PRRC2C: variants seen among roughly 807,000 people sequenced by gnomAD.
PRRC2C encodes protein PRRC2C.
PRRC2C carries 72 observed loss-of-function variants against 317.2 expected under a neutral mutation model. The ratio of observed to expected loss-of-function variants is 0.23; its 90% confidence interval spans 0.19 to 0.28. The LOEUF (loss-of-function observed/expected upper bound fraction) is 0.28. Among genes scored for constraint, PRRC2C ranks in the 10% least tolerant of loss-of-function variants. The pLI is 1.00. For missense variants in PRRC2C, 3,074 were observed against 3,459.7 expected (o/e 0.89, Z 2.80); for synonymous variants, 1,296 against 1,205.9 (o/e 1.07, Z -1.55).
At chr1:171,591,479 G>A (rs1031183436) in intron 34 of PRRC2C, 108 bp from the exon 35 acceptor site, 2 of 1,392,462 alleles carry the variant, frequency 1.4e-6, no homozygotes, top group African/African-American at 2.9e-5. Context: ...GGCCAAACCA[G>A]TGTGGGGAAA....
At chr1:171,549,425 A>G (rs1388250725) in intron 17 of PRRC2C, among the ~76,000 whole-genome samples, 1 of 152,246 alleles carries the variant, frequency 6.6e-6, no homozygotes, top group Non-Finnish European at 1.5e-5. Flanking sequence ...TGCTTTGTAG[A>G]TCTTTTAAAG....
At chr1:171,517,935 G>A in intron 6 of PRRC2C, 121 bp downstream of exon 6, 9 of 764,276 alleles carry the variant, frequency 1.2e-5, no homozygotes, top group Non-Finnish European at 1.9e-5. Flanking sequence ...CTAAAAATTA[G>A]CATTCTCTTT....
intron 5 of PRRC2C, among the ~76,000 whole-genome samples, chr1:171,516,725 T>C (rs1672440607): frequency 6.6e-6 from 1 of 152,152 alleles, no homozygotes; most frequent in South Asian, 2.1e-4. Flanking sequence ...GCCAAGGGAC[T>C]CTCTCTCAAA....
chr1:171,514,858 A>G (rs372084123), intron 4 of PRRC2C, among the ~76,000 whole-genome samples: 1 of 152,228 alleles, frequency 6.6e-6, no homozygotes, highest in East Asian at 1.9e-4. Flanking sequence ...GGTTAAGGAA[A>G]GGAGTCTTTA....
chr1:171,573,074 G>T (rs1031642033), intron 24 of PRRC2C, among the ~76,000 whole-genome samples: 11 of 152,188 alleles, frequency 7.2e-5, no homozygotes, highest in African/African-American at 2.6e-4. Context: ...GCATCATTTG[G>T]TTCAGTGCCA....
chr1:171,566,336 T>C lies in PRRC2C; in HGVS notation c.6221T>C (p.Leu2074Pro). 3 of 1,602,528 alleles carry C rather than the reference T, an allele frequency of 1.9e-6. No individual in the cohort carries two copies. The highest frequency in any genetic ancestry group is 2.6e-6 in the Non-Finnish European group (3 of 1,174,286). ...AATGAAAATGAAGTTGTTCCTGTGC[T>C]TTCGGAAAAATCTGCTGACAAAATA... ...NGNENEVVPV[L>P]SEKSADKIPE... Residue 2074 changes from leucine (L) to proline (P), a missense_variant, in exon 21 of 35, where the codon CTT becomes CCT. Leu to Pro is a moderately conservative substitution (Grantham distance 98, BLOSUM62 -3). Around this residue, in one of 11 missense-constraint regions of PRRC2C, gnomAD observed 640 missense variants for 676.1 expected, o/e 0.95. Transcript: ENST00000647382.
chr1:171,493,743 C>T lies in PRRC2C; in HGVS notation c.-58+8008C>T, dbSNP rs573192465. On this transcript the variant is annotated intron_variant, in intron 1 of 34. Coordinates refer to ENST00000647382, the MANE Select transcript of PRRC2C (RefSeq NM_001387844.1). ...GCTGAGGCTGGAGAATTGCTTGAGC[C>T]TGGGAGGCGGAGATCCTACCACTGC... Among the ~76,000 whole-genome samples the T allele has an allele frequency of 2.6e-5, 4 of 152,128 alleles. No homozygotes were observed. In the Middle Eastern group the frequency reaches 0.014, roughly 517 times the overall value.
intron 13 of PRRC2C, 29 bp from the exon 14 acceptor site, chr1:171,535,998 ACT>A: frequency 6.4e-7 from 1 of 1,551,156 alleles, no homozygotes; most frequent in Non-Finnish European, 8.7e-7. Context: ...GTGGAACTAA[ACT>A]CTCAAGATAT....
At position 171,528,506 on chromosome 1, in the gene PRRC2C, C is replaced by T. The variant is rs529529554; in HGVS notation, c.1254+662C>T. ...CGGGGTTTCACCGTGTTAGCCAGGA[C>T]GGTCTCGATATCCTGACCTCGTGAT... is the stretch of plus-strand genomic sequence containing the variant. On this transcript the variant is annotated intron_variant, in intron 11 of 34. Transcript: ENST00000647382. Among the ~76,000 whole-genome samples the T allele has an allele frequency of 2.5e-3, 384 of 151,982 alleles. 1 individual carries two copies. The highest frequency in any genetic ancestry group is 4.4e-3 in the Non-Finnish European group (298 of 67,930).
chr1:171,582,857 T>A (rs1428328031), intron 28 of PRRC2C, among the ~76,000 whole-genome samples: 4 of 147,948 alleles, frequency 2.7e-5, no homozygotes, highest in Non-Finnish European at 1.5e-5. Flanking sequence ...CTAAATTTGT[T>A]AAAAAAAAAA....
intron 2 of PRRC2C, 173 bp downstream of exon 2, chr1:171,512,373 T>C (rs1331425061): frequency 3.7e-6 from 2 of 539,916 alleles, no homozygotes; most frequent in East Asian, 4.1e-5. Flanking sequence ...CATCTTATAA[T>C]TGAAAATTTA....
intron 17 of PRRC2C, among the ~76,000 whole-genome samples, chr1:171,549,186 ATTAT>A (rs1468722402): frequency 6.6e-6 from 1 of 151,988 alleles, no homozygotes; most frequent in Admixed American, 6.6e-5. Context: ...TTTTTAAAAC[ATTAT>A]TTATTTATTT....
intron 10 of PRRC2C, among the ~76,000 whole-genome samples, chr1:171,526,414 T>G (rs989660274): frequency 2.8e-4 from 42 of 152,202 alleles, no homozygotes; most frequent in African/African-American, 9.9e-4. Context: ...CTTGGCTCAC[T>G]GCAACCTCCA....
intron 30 of PRRC2C, among the ~76,000 whole-genome samples, chr1:171,586,259 ATTTT>A (rs202207760): frequency 6.8e-6 from 1 of 146,230 alleles, no homozygotes; most frequent in Non-Finnish European, 1.5e-5. Context: ...TTATTTATTT[ATTTT>A]TTTTTTTAGT....
intron 19 of PRRC2C, among the ~76,000 whole-genome samples, chr1:171,560,283 A>G (rs1682408197): frequency 6.6e-6 from 1 of 152,222 alleles, no homozygotes; most frequent in Non-Finnish European, 1.5e-5. Flanking sequence ...AATAACTCTG[A>G]CGCAAAGAAA....
In PRRC2C at chr1:171,541,899, C is replaced by T. The variant is rs769996672; in HGVS notation, c.4433C>T (p.Ser1478Phe). 8 of 1,613,414 alleles carry T rather than the reference C, an allele frequency of 5.0e-6. No individual in the cohort carries two copies. The highest frequency in any genetic ancestry group is 1.3e-5 in the African/African-American group (1 of 74,834). Residue 1478 changes from serine (S) to phenylalanine (F), a missense_variant, in exon 16 of 35, where the codon TCC becomes TTC. This residue lies in a region of PRRC2C where 1,320 missense variants were observed against 1,395.7 expected (regional missense o/e 0.95). Transcript: ENST00000647382. This position sits in a 1 kb window ranked among gnomAD's most constrained non-coding sequence, Gnocchi z 4.1. ...QEPVNTLGDISGNKTPDLSNQ... is the reference protein window; with the variant it reads ...QEPVNTLGDIFGNKTPDLSNQ... ...CCAGTTAATACTCTTGGGGATATTT[C>T]CGGGAATAAGACACCAGATTTATCT...
At chr1:171,578,143 ACATACTTACTGTAGTAACAGT>A (rs1368914212) in intron 26 of PRRC2C, among the ~76,000 whole-genome samples, 1 of 152,010 alleles carries the variant, frequency 6.6e-6, no homozygotes, top group Non-Finnish European at 1.5e-5. Context: ...ATATAAGTGT[ACATACTTACTGTAGTAACAGT>A]TTCATAACTA....
intron 24 of PRRC2C, among the ~76,000 whole-genome samples, chr1:171,573,861 TAG>T (rs1685232891): frequency 6.6e-6 from 1 of 151,882 alleles, no homozygotes; most frequent in South Asian, 2.1e-4. Flanking sequence ...GTATTTTTAG[TAG>T]AGACAGGGTT....
At position 171,532,391 on chromosome 1, in the gene PRRC2C, C is replaced by T; in HGVS notation, c.1303C>T (p.Pro435Ser). The T allele has an allele frequency of 1.2e-6, 2 of 1,613,922 alleles. No individual in the cohort carries two copies. The highest frequency in any genetic ancestry group is 1.7e-6 in the Non-Finnish European group (2 of 1,179,860). ...QAVPGRPGPF[P>S]SKQQVADEDE... ...AGTACCTGGAAGACCAGGCCCCTTT[C>T]CCTCCAAGCAGCAAGTAGCTGATGA... Residue 435 changes from proline to serine, a missense_variant, in exon 12 of 35, where the codon CCC becomes TCC. Coordinates refer to ENST00000647382, the MANE Select transcript of PRRC2C (RefSeq NM_001387844.1).
Sources: allele counts gnomAD v4.1 joint callset (sites outside exome capture counted in the v4.1 genomes callset), GRCh38; gene constraint gnomAD v4.1.1; regional missense constraint gnomAD v4.1.1; non-coding constraint Gnocchi (gnomAD v3.1); transcripts MANE v1.5; gene names NCBI Gene and HGNC (gene_info 2026-07-23, HGNC 2026-07-21).